TBCD: variants seen among roughly 807,000 people sequenced by gnomAD.
TBCD encodes the protein tubulin-specific chaperone D.
TBCD carries 105 observed loss-of-function variants against 169.3 expected under a neutral mutation model. The observed-to-expected ratio is 0.62, with a 90% confidence interval of 0.53 to 0.73. The LOEUF is 0.73. Among genes scored for constraint, TBCD ranks in the 30% least tolerant of loss-of-function variants. The pLI, the probability that TBCD is intolerant of heterozygous loss-of-function variation, is 0.00. For synonymous variants in TBCD, 700 were observed against 643.9 expected, an observed-to-expected ratio of 1.09 and a Z score of -1.32; for missense variants, 1,444 against 1,600.1, an observed-to-expected ratio of 0.90 and a Z score of 1.66.
At chr17:82,870,055 C>T (rs1484612084) in intron 13 of TBCD, among the ~76,000 whole-genome samples, 169 bp from the exon 14 acceptor site, 1 of 152,228 alleles carries the variant, frequency 6.6e-6, no homozygotes, top group Non-Finnish European at 1.5e-5. Context: ...TCTGACCAGG[C>T]CGTGGGTCTA....
rs2057027243 is a variant in TBCD at position 82,864,731 on chromosome 17, T to G, written c.1319-5493T>G. ...GATCCCACCGAGGCCGGGGTTGTGCTTGGGGCACTGGGGGAGAGCAGAGCA... is the reference window on the plus strand; with the variant it reads ...GATCCCACCGAGGCCGGGGTTGTGCGTGGGGCACTGGGGGAGAGCAGAGCA... On this transcript the variant is annotated intron_variant, in intron 13 of 38. Coordinates refer to ENST00000355528, the MANE Select transcript of TBCD (RefSeq NM_005993.5). The surrounding 1 kb of genome is among the most constrained non-coding windows in gnomAD (Gnocchi z 6.3). Among the ~76,000 whole-genome samples, 1 of 152,012 alleles carries G rather than the reference T, an allele frequency of 6.6e-6. No homozygotes were observed. Among genetic ancestry groups the G allele is most frequent in the Non-Finnish European group, 1.5e-5 (1 of 67,980 alleles).
chr17:82,921,248 A>G, intron 24 of TBCD: 1 of 546,840 alleles, frequency 1.8e-6, no homozygotes, highest in South Asian at 2.6e-5. Flanking sequence ...AAGTTTCCCA[A>G]AATGTGATGT....
chr17:82,833,220 A>G lies in TBCD; in HGVS notation c.1318+18286A>G, dbSNP rs10163502. Among the ~76,000 whole-genome samples the G allele has an allele frequency of 0.36, 54,112 of 151,826 alleles. 9,939 individuals carry two copies. The highest frequency in any genetic ancestry group is 0.43 in the Middle Eastern group (124 of 290). On this transcript the variant is annotated intron_variant, in intron 13 of 38. Coordinates refer to ENST00000355528, the MANE Select transcript of TBCD (RefSeq NM_005993.5). The surrounding 1 kb of genome is among the most constrained non-coding windows in gnomAD (Gnocchi z 4.7). ...ACAGAGCGTGGGCTGGCCACCGTCT[A>G]CTTGCTCCTACCTGCTGGCTGGGAG...
chr17:82,801,196 G>A (rs1254076171), intron 9 of TBCD, among the ~76,000 whole-genome samples, 200 bp downstream of exon 9: 1 of 152,144 alleles, frequency 6.6e-6, no homozygotes, highest in Non-Finnish European at 1.5e-5. Flanking sequence ...ACAGTTGGGG[G>A]CACTCTCTGG....
intron 13 of TBCD, among the ~76,000 whole-genome samples, chr17:82,845,051 G>C (rs575156923): frequency 6.6e-6 from 1 of 152,150 alleles, no homozygotes; most frequent in African/African-American, 2.4e-5. Context: ...TGCTCTTGGG[G>C]GTAAGCACCG....
At chr17:82,937,974 C>T (rs1420458487) in intron 35 of TBCD, 75 bp from the exon 36 acceptor site, 30 of 1,586,544 alleles carry the variant, frequency 1.9e-5, no homozygotes, top group Non-Finnish European at 2.6e-5. Flanking sequence ...CTGCATGGGC[C>T]TTTGGGTCCG....
At chr17:82,829,433 C>T (rs2053277191) in intron 13 of TBCD, 1 of 154,272 alleles carries the variant, frequency 6.5e-6, no homozygotes, top group South Asian at 2.0e-4. Flanking sequence ...GCAAAATATT[C>T]TAAAGGATAA....
chr17:82,809,072 G>A (rs192795577), intron 11 of TBCD, among the ~76,000 whole-genome samples: 1 of 152,030 alleles, frequency 6.6e-6, no homozygotes, highest in African/African-American at 2.4e-5. Flanking sequence ...GCTCCACAGG[G>A]CTGTGCAGGG....
chr17:82,939,309 T>A, intron 36 of TBCD, 58 bp from the exon 37 acceptor site: 1 of 1,420,378 alleles, frequency 7.0e-7, no homozygotes, highest in Non-Finnish European at 9.7e-7. Flanking sequence ...TCCTGTCGTC[T>A]CTCCGGGGTG....
At chr17:82,820,799 ATGAG>A in intron 13 of TBCD, among the ~76,000 whole-genome samples, 1 of 146,096 alleles carries the variant, frequency 6.8e-6, no homozygotes, top group Non-Finnish European at 1.5e-5. Flanking sequence ...ATGGTGCCCT[ATGAG>A]TCTCTTAGGT....
intron 13 of TBCD, among the ~76,000 whole-genome samples, chr17:82,868,367 G>T (rs914792242): frequency 8.5e-5 from 13 of 152,174 alleles, no homozygotes; most frequent in African/African-American, 2.4e-4. Context: ...CTTGGTGTCT[G>T]GCAGGGACCC....
intron 34 of TBCD, among the ~76,000 whole-genome samples, chr17:82,933,131 A>G (rs964252647): frequency 1.4e-4 from 22 of 152,092 alleles, no homozygotes; most frequent in African/African-American, 5.1e-4. Flanking sequence ...CCTGGCGAGG[A>G]CTTGCCCAGG....
intron 15 of TBCD, among the ~76,000 whole-genome samples, chr17:82,887,868 T>A (rs1314666250): frequency 6.6e-6 from 1 of 152,216 alleles, no homozygotes; most frequent in Non-Finnish European, 1.5e-5. Context: ...TTTCACGGGC[T>A]TACTTGCCGT....
At chr17:82,870,801 G>A (rs147207160) in intron 14 of TBCD, among the ~76,000 whole-genome samples, 6 of 152,382 alleles carry the variant, frequency 3.9e-5, no homozygotes, top group Admixed American at 2.6e-4. Context: ...GGGTCTTGGC[G>A]AGAGGCGAAT....
At chr17:82,792,308 CAAA>C (rs79198926) in intron 7 of TBCD, among the ~76,000 whole-genome samples, 10 of 119,010 alleles carry the variant, frequency 8.4e-5, no homozygotes, top group Non-Finnish European at 7.0e-5. Flanking sequence ...ACTCCGTCTC[CAAA>C]AAAAAAAAAA....
chr17:82,809,160 G>A (rs562957888), intron 11 of TBCD, among the ~76,000 whole-genome samples: 20 of 152,092 alleles, frequency 1.3e-4, no homozygotes, highest in Non-Finnish European at 2.6e-4. Flanking sequence ...GGTGTGATGG[G>A]CCCACGCAGT....
Position 82,893,598 on chromosome 17 carries a change from G to T in TBCD, c.1615G>T (p.Val539Phe). The change falls in exon 17 of 39, where the codon GTC becomes TTC. Residue 539 changes from valine to phenylalanine, a missense_variant. Coordinates refer to ENST00000355528, the MANE Select transcript of TBCD (RefSeq NM_005993.5). ...TTTGACCACAGCTGACTATTTTGCC[G>T]TCGGTAACAGATCCAACTGTTTCCT... ...DILTTADYFA[V>F]GNRSNCFLVI... The T allele has an allele frequency of 6.2e-7, 1 of 1,611,254 alleles. No individual in the cohort carries two copies. Among genetic ancestry groups the T allele is most frequent in the Non-Finnish European group, 8.5e-7 (1 of 1,178,666 alleles).
chr17:82,929,936 A>C, intron 32 of TBCD: 1 of 322,696 alleles, frequency 3.1e-6, no homozygotes, highest in Non-Finnish European at 6.0e-6. Flanking sequence ...GAGCTGTGGA[A>C]CTTGAAGGCC....
At chr17:82,940,219 G>GTGCACA (rs1555672915) in intron 37 of TBCD, among the ~76,000 whole-genome samples, 1,165 of 94,616 alleles carry the variant, frequency 0.012, 11 homozygotes, top group African/African-American at 0.034. Flanking sequence ...ACTTGCACGC[G>GTGCACA]CGCACACACA....
Sources: allele counts gnomAD v4.1 joint callset (sites outside exome capture counted in the v4.1 genomes callset), GRCh38; gene constraint gnomAD v4.1.1; non-coding constraint Gnocchi (gnomAD v3.1); transcripts MANE v1.5; gene names NCBI Gene and HGNC (gene_info 2026-07-23, HGNC 2026-07-21).